Variants in CREB5 observed in about 807,000 individuals in gnomAD.
CREB5 encodes the protein cAMP responsive element binding protein 5.
In CREB5, 19 loss-of-function variants were observed where a neutral mutation model predicts 57.1. The observed-to-expected ratio is 0.33, with a 90% CI of 0.23 to 0.49. The LOEUF is 0.49. CREB5 is among the 20% of genes least tolerant of loss of function. The pLI, the probability that CREB5 is intolerant of heterozygous loss-of-function variation, is 0.99. For missense variants in CREB5, 579 were observed against 671.6 expected, an observed-to-expected ratio of 0.86 and a Z score of 1.52; for synonymous variants, 238 against 238.3, an observed-to-expected ratio of 1.00 and a Z score of 0.01.
At chr7:28,414,396 T>C (rs1031358771) in intron 1 of CREB5, among the ~76,000 whole-genome samples, 6 of 152,108 alleles carry the variant, frequency 3.9e-5, no homozygotes, top group Non-Finnish European at 5.9e-5. Flanking sequence ...AATCAACCAA[T>C]GCTTAATTAG....
At chr7:28,399,819 G>T (rs191109238) in intron 1 of CREB5, among the ~76,000 whole-genome samples, 1 of 152,116 alleles carries the variant, frequency 6.6e-6, no homozygotes, top group Admixed American at 6.5e-5. Context: ...ACTTTGGGAG[G>T]CGAGGTGGGT....
Position 28,357,082 on chromosome 7 carries a change from G to A in CREB5, c.-25+57641G>A, listed in dbSNP as rs16874528. 4.6e-3 allele frequency among the ~76,000 whole-genome samples: 696 copies of A among 152,106 alleles called. 11 individuals are homozygous for A. The highest frequency in any genetic ancestry group is 0.041 in the South Asian group (198 of 4,802). ...TCTTTCTTTTTTCCCTGCATCCCTCGCTAAAGCCACAGAAGGAGTTACCTG... is the reference window on the plus strand; with the variant it reads ...TCTTTCTTTTTTCCCTGCATCCCTCACTAAAGCCACAGAAGGAGTTACCTG... On this transcript the variant is annotated intron_variant, in intron 1 of 9. Coordinates refer to the CREB5 transcript ENST00000396299.
chr7:28,701,753 C>A (rs1008210129), intron 5 of CREB5, among the ~76,000 whole-genome samples: 3 of 152,046 alleles, frequency 2.0e-5, no homozygotes, highest in African/African-American at 7.2e-5. Context: ...GTAATTGCTC[C>A]ATAAGTAAAA....
intron 5 of CREB5, among the ~76,000 whole-genome samples, chr7:28,572,089 C>A (rs1177953890): frequency 6.6e-6 from 1 of 152,158 alleles, no homozygotes; most frequent in Admixed American, 6.5e-5. Context: ...GCTTATTCCT[C>A]CCTAGGATAT....
chr7:28,460,970 C>T (rs910526371), intron 1 of CREB5, among the ~76,000 whole-genome samples: 1 of 151,986 alleles, frequency 6.6e-6, no homozygotes, highest in African/African-American at 2.4e-5. Flanking sequence ...AGGAGGATTG[C>T]TTGTGCCCAG....
chr7:28,664,010 G>A (rs1401045037), intron 5 of CREB5, among the ~76,000 whole-genome samples: 1 of 152,156 alleles, frequency 6.6e-6, no homozygotes, highest in Non-Finnish European at 1.5e-5. Context: ...ACAGATTCCA[G>A]GACCCCACCT....
chr7:28,662,038 C>CT (rs1799630479), intron 5 of CREB5, among the ~76,000 whole-genome samples: 1 of 152,178 alleles, frequency 6.6e-6, no homozygotes, highest in Non-Finnish European at 1.5e-5. Context: ...ATGCCAACCC[C>CT]TGGGGACAAG....
At chr7:28,445,753 G>C (rs112660012) in intron 1 of CREB5, among the ~76,000 whole-genome samples, 6 of 151,434 alleles carry the variant, frequency 4.0e-5, no homozygotes, top group Non-Finnish European at 7.4e-5. Flanking sequence ...GGGTTTCACT[G>C]TGTTAGCCAG....
At chr7:28,799,887 C>T (rs1009203124) in intron 7 of CREB5, among the ~76,000 whole-genome samples, 2 of 152,194 alleles carry the variant, frequency 1.3e-5, no homozygotes, top group African/African-American at 4.8e-5. Context: ...AATCATCCTC[C>T]CACATAAATA....
At chr7:28,718,329 G>A (rs899090448) in intron 5 of CREB5, among the ~76,000 whole-genome samples, 1 of 152,222 alleles carries the variant, frequency 6.6e-6, no homozygotes, top group Non-Finnish European at 1.5e-5. Context: ...CCAGAGCAAA[G>A]CCAGGCAGGC....
At chr7:28,610,425 A>AT (rs1250697190) in intron 5 of CREB5, among the ~76,000 whole-genome samples, 1 of 152,116 alleles carries the variant, frequency 6.6e-6, no homozygotes, top group Admixed American at 6.5e-5. Flanking sequence ...AGGCAGCTAC[A>AT]TTTTTGTCAG....
At chr7:28,521,224 T>C (rs1405694624) in intron 4 of CREB5, among the ~76,000 whole-genome samples, 1 of 152,202 alleles carries the variant, frequency 6.6e-6, no homozygotes, top group Non-Finnish European at 1.5e-5. Flanking sequence ...GTAAAAAAGC[T>C]GAGAACAGGA....
rs115827579 is a variant in CREB5 at position 28,582,426 on chromosome 7, A to G, written c.464+11889A>G. ...GTATTGTTTGTATCAGTTCTTAATG[A>G]GTTCCATTGTTAACTTTTACGTCAA... On this transcript the variant is annotated intron_variant, in intron 5 of 10. Transcript: ENST00000357727. 1.5e-3 allele frequency among the ~76,000 whole-genome samples: 231 copies of G among 152,290 alleles called. 1 individual carries two copies. The highest frequency in any genetic ancestry group is 5.1e-3 in the African/African-American group (214 of 41,558).
intron 1 of CREB5, among the ~76,000 whole-genome samples, chr7:28,340,722 C>T (rs1367749054): frequency 6.6e-6 from 1 of 152,164 alleles, no homozygotes; most frequent in Non-Finnish European, 1.5e-5. Context: ...GAGTTGCAGT[C>T]CTTGTAGCCT....
chr7:28,768,056 G>T (rs1806105431), intron 7 of CREB5, among the ~76,000 whole-genome samples: 1 of 152,208 alleles, frequency 6.6e-6, no homozygotes, highest in African/African-American at 2.4e-5. Context: ...TAAGGATTTT[G>T]CATATTTTAG....
intron 1 of CREB5, among the ~76,000 whole-genome samples, chr7:28,432,752 T>G (rs1788776960): frequency 6.6e-6 from 1 of 152,222 alleles, no homozygotes; most frequent in African/African-American, 2.4e-5. Flanking sequence ...CTCAACTTTC[T>G]TCTTTTTAAA....
intron 4 of CREB5, among the ~76,000 whole-genome samples, chr7:28,562,182 A>T (rs1337929024): frequency 6.6e-6 from 1 of 152,214 alleles, no homozygotes; most frequent in Non-Finnish European, 1.5e-5. Context: ...TTTAACCCAT[A>T]TGATTATATT....
At chr7:28,516,102 TG>T (rs1056220993) in intron 4 of CREB5, among the ~76,000 whole-genome samples, 4 of 152,172 alleles carry the variant, frequency 2.6e-5, no homozygotes, top group African/African-American at 7.2e-5. Flanking sequence ...TAGTCCCAGC[TG>T]CTTGGGAGGC....
intron 5 of CREB5, among the ~76,000 whole-genome samples, chr7:28,576,832 C>T (rs746457438): frequency 4.6e-5 from 7 of 152,168 alleles, no homozygotes; most frequent in Non-Finnish European, 8.8e-5. Flanking sequence ...CCTCAGAGTT[C>T]CTGAAGCTTC....
Sources: allele counts gnomAD v4.1 joint callset (sites outside exome capture counted in the v4.1 genomes callset), GRCh38; gene constraint gnomAD v4.1.1; transcripts MANE v1.5; gene names NCBI Gene and HGNC (gene_info 2026-07-23, HGNC 2026-07-21).